DPM1: variants seen among roughly 807,000 people sequenced by gnomAD.
The protein encoded by DPM1 is dolichol-phosphate mannosyltransferase subunit 1.
Under a neutral mutation model 39.0 loss-of-function variants are expected in DPM1, and 27 were observed. The ratio of observed to expected loss-of-function variants is 0.69; its 90% CI spans 0.51 to 0.95. The LOEUF is 0.95. Ranked by LOEUF, DPM1 falls within the 40% of genes least tolerant of loss-of-function variation. The probability of loss-of-function intolerance (pLI) is 0.00; values close to 1 mark genes in which losing one functional copy is unlikely to be tolerated. For synonymous variants in DPM1, 124 were observed against 109.0 expected (o/e 1.14, Z -0.86); for missense variants, 307 against 315.6 (o/e 0.97, Z 0.21).
At chr20:50,938,761 C>A (rs905001856) in intron 7 of DPM1, among the ~76,000 whole-genome samples, 5 of 151,088 alleles carry the variant, frequency 3.3e-5, no homozygotes, top group Admixed American at 6.6e-5. Context: ...AGGAGGATCA[C>A]CTGAGGTCGG....
In DPM1 at chr20:50,945,827, TAAAG is replaced by T. The variant is rs1330485652; in HGVS notation, c.372+16_372+19del. ...GGCTAAGACTACCATAAATAGCTAA[TAAAG>T]AAACATACCACTTACATGGTGTGAG... On this transcript the variant is annotated intron_variant, in intron 4 of 8. Transcript: ENST00000371588. The T allele has an allele frequency of 6.2e-7, 1 of 1,612,040 alleles. No individual in the cohort carries two copies. The highest frequency in any genetic ancestry group is 8.5e-7 in the Non-Finnish European group (1 of 1,178,418).
chr20:50,938,738 G>T (rs1242822962), intron 7 of DPM1, among the ~76,000 whole-genome samples: 1 of 150,782 alleles, frequency 6.6e-6, no homozygotes, highest in Non-Finnish European at 1.5e-5. Context: ...CCAGCACTTG[G>T]GGAGGCGGAG....
At chr20:50,948,922 G>A (rs949863871) in intron 2 of DPM1, among the ~76,000 whole-genome samples, 2 of 151,458 alleles carry the variant, frequency 1.3e-5, no homozygotes, top group Admixed American at 1.3e-4. Flanking sequence ...GTACAGTGGC[G>A]TGATCTCCGC....
chr20:50,938,795 C>G (rs1254344467), intron 7 of DPM1, among the ~76,000 whole-genome samples: 1 of 151,194 alleles, frequency 6.6e-6, no homozygotes, highest in African/African-American at 2.4e-5. Context: ...GCCTGACCAA[C>G]GTGGAGAAAC....
At chr20:50,943,369 GT>G (rs1347688107) in intron 5 of DPM1, among the ~76,000 whole-genome samples, 1 of 150,454 alleles carries the variant, frequency 6.6e-6, no homozygotes, top group African/African-American at 2.4e-5. Flanking sequence ...GTTTTGTTTT[GT>G]TTTTTTTTGA....
Position 50,958,438 on chromosome 20 carries a change from A to G in DPM1, c.86T>C (p.Val29Ala), listed in dbSNP as rs753897334. 6.2e-7 allele frequency: 1 copy of G among 1,614,016 alleles called. No homozygotes were observed. Among genetic ancestry groups the G allele is most frequent in the Non-Finnish European group, 8.5e-7 (1 of 1,180,034 alleles). Residue 29 changes from valine to alanine, a missense_variant, in exon 1 of 9, where the codon GTG (valine) becomes GCG (alanine). This residue lies in a region of DPM1 where 206 missense variants were observed against 188.2 expected (regional missense o/e 1.09). Coordinates refer to ENST00000371588, the MANE Select transcript of DPM1 (RefSeq NM_003859.3). ...GCGCTCGTTGTAGGTAGGTAAAAGCACCGAATATTTGTTCTGTCGTGGACT... is the reference window on the plus strand; with the variant it reads ...GCGCTCGTTGTAGGTAGGTAAAAGCGCCGAATATTTGTTCTGTCGTGGACT... ...VRSPRQNKYS[V>A]LLPTYNEREN...
chr20:50,950,934 C>T (rs1001164477), intron 2 of DPM1, among the ~76,000 whole-genome samples: 1 of 152,190 alleles, frequency 6.6e-6, no homozygotes, highest in Non-Finnish European at 1.5e-5. Flanking sequence ...CCCTTAACCC[C>T]AAGTGATACT....
intron 2 of DPM1, among the ~76,000 whole-genome samples, chr20:50,953,860 CAG>C (rs781631559): frequency 1.3e-5 from 2 of 152,168 alleles, no homozygotes; most frequent in African/African-American, 2.4e-5. Context: ...CTAAAGAAAA[CAG>C]GGAACTACTG....
At chr20:50,940,400 A>G (rs1985624542) in intron 7 of DPM1, among the ~76,000 whole-genome samples, 2 of 152,154 alleles carry the variant, frequency 1.3e-5, no homozygotes, top group African/African-American at 4.8e-5. Flanking sequence ...CCAGAAACAG[A>G]CACGCAAAAC....
At chr20:50,949,810 G>A (rs751703766) in intron 2 of DPM1, among the ~76,000 whole-genome samples, 11 of 147,392 alleles carry the variant, frequency 7.5e-5, no homozygotes, top group Non-Finnish European at 1.0e-4. Flanking sequence ...GTTTCTATTT[G>A]CATGGAATGT....
intron 2 of DPM1, among the ~76,000 whole-genome samples, chr20:50,949,230 C>G (rs1040276260): frequency 2.6e-5 from 4 of 152,170 alleles, no homozygotes; most frequent in Non-Finnish European, 5.9e-5. Flanking sequence ...GTCACTCACT[C>G]TATTTTAAAT....
chr20:50,939,597 T>G (rs1985533635), intron 7 of DPM1, among the ~76,000 whole-genome samples: 1 of 151,710 alleles, frequency 6.6e-6, no homozygotes, highest in African/African-American at 2.4e-5. Flanking sequence ...CCCAAAGTGC[T>G]GGGATTACAG....
Position 50,945,854 on chromosome 20 carries a change from G to T in DPM1, c.365C>A (p.Ser122Ter). ...AAGAAACATACCACTTACATGGTGT[G>T]AGAGATCAGCATCCATAATAATGAT... ...NYIIIMDADL[S>*]HHPKFIPEFI... The change falls in exon 4 of 9, where the codon TCA (serine) becomes TAA (stop). Residue 122 changes from serine (S) to a stop codon, truncating the protein, a stop_gained. Transcript: ENST00000371588. LOFTEE classifies it high-confidence loss of function. 2 of 1,613,340 alleles carry T rather than the reference G, an allele frequency of 1.2e-6. No homozygotes were observed. Among genetic ancestry groups the T allele is most frequent in the Non-Finnish European group, 1.7e-6 (2 of 1,179,440 alleles).
chr20:50,944,851 T>C (rs1052212761), intron 5 of DPM1: 8 of 152,262 alleles, frequency 5.3e-5, no homozygotes, highest in African/African-American at 1.7e-4. Flanking sequence ...AACATTTCCA[T>C]GTTTAATGAT....
intron 7 of DPM1, among the ~76,000 whole-genome samples, chr20:50,939,545 T>G (rs1450726653): frequency 1.3e-5 from 2 of 152,026 alleles, no homozygotes; most frequent in Non-Finnish European, 2.9e-5. Context: ...TTAGCCAGGA[T>G]GGTCTCGATC....
chr20:50,954,986 T>C (rs1986754560), intron 2 of DPM1, among the ~76,000 whole-genome samples, 200 bp downstream of exon 2: 1 of 152,234 alleles, frequency 6.6e-6, no homozygotes, highest in Admixed American at 6.5e-5. Context: ...CTCTTTGCTG[T>C]AAAATGACCA....
chr20:50,957,343 G>GT (rs1986881520), intron 1 of DPM1, among the ~76,000 whole-genome samples: 1 of 152,182 alleles, frequency 6.6e-6, no homozygotes, highest in Non-Finnish European at 1.5e-5. Flanking sequence ...CAATTTGGCA[G>GT]TAACTGTCCA....
intron 2 of DPM1, among the ~76,000 whole-genome samples, chr20:50,954,355 T>C (rs188542860): frequency 1.5e-4 from 23 of 152,234 alleles, no homozygotes; most frequent in African/African-American, 5.3e-4. Context: ...GGGTTTCTAG[T>C]GGCATCTAGT....
rs564455355 is a variant in DPM1 at position 50,955,630 on chromosome 20, C to T, written c.162-345G>A. Among the ~76,000 whole-genome samples, 9 of 152,274 alleles carry T rather than the reference C, an allele frequency of 5.9e-5. 1 individual carries two copies. The highest frequency in any genetic ancestry group is 2.1e-4 in the South Asian group (1 of 4,824). ...CTGTTGCCAGGCTGGAATGCAGTGG[C>T]GCAGTCTCGGCTTACCTCTGCCTCC... On this transcript the variant is annotated intron_variant, in intron 1 of 8. Transcript: ENST00000371588.
Sources: gnomAD v4.1 joint callset for allele counts (sites outside exome capture counted in the v4.1 genomes callset) on GRCh38, gnomAD v4.1.1 for gene constraint, gnomAD v4.1.1 regional missense constraint, MANE v1.5 for transcripts, NCBI Gene and HGNC (gene_info 2026-07-23, HGNC 2026-07-21) for gene names.